Variants in CWC27 observed in about 807,000 individuals in gnomAD.
CWC27 encodes spliceosome-associated protein CWC27 homolog.
CWC27 carries 47 observed loss-of-function variants against 63.6 expected under a neutral mutation model. The observed-to-expected ratio is 0.74, with a 90% CI of 0.58 to 0.94. The LOEUF is 0.94. Among genes scored for constraint, CWC27 ranks in the 40% least tolerant of loss-of-function variants. The pLI, the probability that CWC27 is intolerant of heterozygous loss-of-function variation, is 0.00. For synonymous variants in CWC27, 175 were observed against 179.8 expected (o/e 0.97, Z 0.22); for missense variants, 495 against 554.3 (o/e 0.89, Z 1.07).
rs530982688 is a variant in CWC27, at chr5:64,815,303, T to C, written c.938+10917T>C. Among the ~76,000 whole-genome samples the C allele has an allele frequency of 1.3e-5, 2 of 152,302 alleles. No individual in the cohort carries two copies. The highest frequency in any genetic ancestry group is 6.5e-5 in the Admixed American group (1 of 15,278). Reference sequence around the variant, plus strand: ...TGGGCAGCTGTGGATCTGCTCCACATCATCTTCATTCTAGGCCTGGGATGA... The same window carrying C: ...TGGGCAGCTGTGGATCTGCTCCACACCATCTTCATTCTAGGCCTGGGATGA... On this transcript the variant is annotated intron_variant, in intron 10 of 13. Coordinates refer to ENST00000381070, the MANE Select transcript of CWC27 (RefSeq NM_005869.4).
At chr5:65,012,261 A>C (rs980743249) in intron 13 of CWC27, among the ~76,000 whole-genome samples, 1 of 152,230 alleles carries the variant, frequency 6.6e-6, no homozygotes, top group South Asian at 2.1e-4. Flanking sequence ...CATAGAAGAA[A>C]GTATCTGGTC....
chr5:64,805,207 T>A (rs1580621573), intron 10 of CWC27, among the ~76,000 whole-genome samples: 1 of 151,912 alleles, frequency 6.6e-6, no homozygotes, highest in African/African-American at 2.4e-5. Context: ...ATTTTTTCTT[T>A]ATGTAATCAA....
At chr5:64,773,568 A>G (rs747037281) in intron 1 of CWC27, among the ~76,000 whole-genome samples, 1 of 152,202 alleles carries the variant, frequency 6.6e-6, no homozygotes, top group Non-Finnish European at 1.5e-5. Flanking sequence ...GTTTTTGAAC[A>G]GTTATATTGC....
chr5:64,875,742 A>G (rs898881626), intron 10 of CWC27, among the ~76,000 whole-genome samples: 2 of 152,150 alleles, frequency 1.3e-5, no homozygotes, highest in African/African-American at 2.4e-5. Flanking sequence ...CTGTATCTCC[A>G]TGGAAACAAT....
At chr5:64,957,965 T>G (rs1748834161) in intron 11 of CWC27, among the ~76,000 whole-genome samples, 1 of 152,184 alleles carries the variant, frequency 6.6e-6, no homozygotes, top group Non-Finnish European at 1.5e-5. Flanking sequence ...TCCTAAATTA[T>G]ATGCTGTCAT....
At chr5:64,961,175 A>G (rs1748901824) in intron 11 of CWC27, among the ~76,000 whole-genome samples, 1 of 152,220 alleles carries the variant, frequency 6.6e-6, no homozygotes, top group African/African-American at 2.4e-5. Flanking sequence ...AATGTGCAGT[A>G]CTTAACTTGC....
At chr5:64,828,062 G>A (rs1211894002) in intron 10 of CWC27, among the ~76,000 whole-genome samples, 5 of 152,062 alleles carry the variant, frequency 3.3e-5, no homozygotes, top group Admixed American at 3.3e-4. Flanking sequence ...TTATCCACTG[G>A]GAGTCTTGGA....
chr5:64,835,736 A>G (rs530983276), intron 10 of CWC27, among the ~76,000 whole-genome samples: 1 of 151,982 alleles, frequency 6.6e-6, no homozygotes, highest in South Asian at 2.1e-4. Context: ...TATAGGCTCT[A>G]GCAAAATTGA....
intron 11 of CWC27, among the ~76,000 whole-genome samples, chr5:64,900,154 C>T (rs193171250): frequency 1.3e-5 from 2 of 152,272 alleles, no homozygotes; most frequent in Admixed American, 1.3e-4. Context: ...AACTGTTTTC[C>T]AAACTGGTTG....
rs1746622014 is a variant in CWC27 at position 64,869,852 on chromosome 5, G to A, written c.939-15591G>A. Among the ~76,000 whole-genome samples the A allele has an allele frequency of 2.0e-5, 3 of 151,898 alleles. No individual in the cohort carries two copies. In the South Asian group the frequency reaches 6.2e-4, roughly 32 times the overall value. On this transcript the variant is annotated intron_variant, in intron 10 of 13. Coordinates refer to ENST00000381070, the MANE Select transcript of CWC27 (RefSeq NM_005869.4). ...TAGAGAGGAAAGAAAACTCAGTTTG[G>A]GATTTTTTTTTCCCCTTAAAGTAGG...
intron 11 of CWC27, among the ~76,000 whole-genome samples, chr5:64,929,282 A>G (rs1438330369): frequency 6.6e-6 from 1 of 152,178 alleles, no homozygotes; most frequent in Non-Finnish European, 1.5e-5. Context: ...GGTTTCTAAC[A>G]CCATTTCCCT....
chr5:64,810,686 T>C (rs186110933), intron 10 of CWC27, among the ~76,000 whole-genome samples: 2 of 152,276 alleles, frequency 1.3e-5, no homozygotes, highest in African/African-American at 4.8e-5. Context: ...CATACATTAA[T>C]TTGGGGCAAT....
chr5:64,984,007 A>G (rs1277517873), intron 13 of CWC27, among the ~76,000 whole-genome samples: 1 of 151,684 alleles, frequency 6.6e-6, no homozygotes, highest in African/African-American at 2.4e-5. Flanking sequence ...AATTTTTTGT[A>G]TTTTTAGTAG....
At chr5:64,891,056 A>G (rs1280820869) in intron 11 of CWC27, among the ~76,000 whole-genome samples, 2 of 152,212 alleles carry the variant, frequency 1.3e-5, no homozygotes, top group East Asian at 3.8e-4. Context: ...GTCAAATATT[A>G]TGGAAATACT....
intron 10 of CWC27, among the ~76,000 whole-genome samples, chr5:64,850,060 T>C (rs1746095692): frequency 6.6e-6 from 1 of 152,014 alleles, no homozygotes; most frequent in Admixed American, 6.6e-5. Context: ...AAAAATAATC[T>C]TAAAATTCAT....
chr5:64,973,667 G>A lies in CWC27; in HGVS notation c.1152+1855G>A, dbSNP rs561920116. Reference sequence around the variant, plus strand: ...CTCTAGCCTTTATAATAAAGCAGGAGAAAGTCTAATCTTAAATATAGAAGA... The same window carrying A: ...CTCTAGCCTTTATAATAAAGCAGGAAAAAGTCTAATCTTAAATATAGAAGA... On this transcript the variant is annotated intron_variant, in intron 12 of 13. Transcript: ENST00000381070. Among the ~76,000 whole-genome samples, 10 of 152,240 alleles carry A rather than the reference G, an allele frequency of 6.6e-5. No individual in the cohort carries two copies. The South Asian group carries it at 1.9e-3, about 28-fold the overall frequency.
chr5:64,827,527 CA>C (rs1392024944), intron 10 of CWC27, among the ~76,000 whole-genome samples: 2 of 152,058 alleles, frequency 1.3e-5, no homozygotes, highest in Admixed American at 1.3e-4. Flanking sequence ...GTTGGAATAC[CA>C]GCTGTACCAC....
chr5:64,992,786 G>C (rs1749561554), intron 13 of CWC27, among the ~76,000 whole-genome samples: 1 of 151,410 alleles, frequency 6.6e-6, no homozygotes, highest in African/African-American at 2.4e-5. Flanking sequence ...ACCTGCCTCA[G>C]CCTCCCAAAG....
intron 10 of CWC27, among the ~76,000 whole-genome samples, chr5:64,836,451 C>T (rs561542345): frequency 4.6e-4 from 70 of 152,160 alleles, no homozygotes; most frequent in African/African-American, 1.7e-3. Flanking sequence ...AATATCTCCT[C>T]TGTGGAGATG....
Sources: gnomAD v4.1 joint callset for allele counts (sites outside exome capture counted in the v4.1 genomes callset) on GRCh38, gnomAD v4.1.1 for gene constraint, MANE v1.5 for transcripts, NCBI Gene and HGNC (gene_info 2026-07-23, HGNC 2026-07-21) for gene names.